Variants in NOVA1 observed in about 807,000 individuals in gnomAD.
NOVA1 encodes NOVA alternative splicing regulator 1.
Under a neutral mutation model 38.0 loss-of-function variants are expected in NOVA1, and 7 were observed. The observed-to-expected ratio is 0.18, with a 90% CI of 0.10 to 0.35. NOVA1 has a LOEUF of 0.35. NOVA1 is among the 10% of genes least tolerant of loss of function. The probability of loss-of-function intolerance (pLI) is 1.00; values close to 1 mark genes in which losing one functional copy is unlikely to be tolerated. For missense variants in NOVA1, 460 were observed against 616.0 expected (o/e 0.75, Z 2.68); for synonymous variants, 270 against 232.5 (o/e 1.16, Z -1.47).
chr14:26,572,124 A>C (rs569298483), intron 2 of NOVA1, among the ~76,000 whole-genome samples: 1 of 152,210 alleles, frequency 6.6e-6, no homozygotes, highest in African/African-American at 2.4e-5. Flanking sequence ...AATACACCAC[A>C]ATATTATTCT....
chr14:26,535,260 A>T (rs1026663104), intron 2 of NOVA1, among the ~76,000 whole-genome samples: 1 of 152,232 alleles, frequency 6.6e-6, no homozygotes, highest in Non-Finnish European at 1.5e-5. Context: ...CTCAGTTCTT[A>T]TAAGAAATCC....
intron 2 of NOVA1, among the ~76,000 whole-genome samples, chr14:26,572,311 A>T (rs934410019): frequency 2.0e-5 from 3 of 152,212 alleles, no homozygotes; most frequent in African/African-American, 7.2e-5. Flanking sequence ...ACAAGATCAA[A>T]ATTAACCAAT....
At position 26,578,495 on chromosome 14, in the gene NOVA1, A is replaced by G. The variant is rs74040212; in HGVS notation, c.280+16915T>C. Among the ~76,000 whole-genome samples the G allele has an allele frequency of 9.7e-3, 1,483 of 152,262 alleles. 18 individuals carry two copies. The highest frequency in any genetic ancestry group is 0.033 in the African/African-American group (1,351 of 41,548). ...AGTAGGTAAGATGGAATGGAATGGA[A>G]TATAGAAAAAAAGTAGAGGTAGGCC... On this transcript the variant is annotated intron_variant, in intron 2 of 4. Transcript: ENST00000539517.
In NOVA1 at chr14:26,595,399, A is replaced by G. The variant is rs1456614460; in HGVS notation, c.280+11T>C. 2 of 1,612,636 alleles carry G rather than the reference A, an allele frequency of 1.2e-6. No homozygotes were observed. Among genetic ancestry groups the G allele is most frequent in the Non-Finnish European group, 1.7e-6 (2 of 1,179,380 alleles). On this transcript the variant is annotated intron_variant, in intron 2 of 4. Transcript: ENST00000539517. ...GAGCTCATCAAACAATCTCTTCACC[A>G]TTGCACCTACCTGGGTAAAAATCTT...
Position 26,597,305 on chromosome 14 carries a change from C to G in NOVA1, c.132G>C (p.Thr44=). 1.6e-6 allele frequency: 2 copies of G among 1,247,760 alleles called. No homozygotes were observed. The highest frequency in any genetic ancestry group is 4.1e-5 in the South Asian group (1 of 24,462). The allele number at this position is 1,247,760 out of a possible 1,614,324, so 77.3% of individuals were successfully genotyped here. The part of the protein sequence containing the change: ...PEAGSTKRTN[T]GEDGQYFLKV... ...GGAGGTGGAAGCGATACCCACCGCC[C>G]GTATTGGTCCTCTTGGTGCTGCCGG... Residue 44 remains threonine, a synonymous_variant, in exon 1 of 5, where the codon ACG becomes ACC. Transcript: ENST00000539517.
intron 2 of NOVA1, among the ~76,000 whole-genome samples, chr14:26,527,247 G>A (rs527870714): frequency 7.1e-6 from 1 of 141,000 alleles, no homozygotes; most frequent in Admixed American, 7.1e-5. Flanking sequence ...CCTGGCAGTG[G>A]GACAATTTAG....
At chr14:26,508,110 T>C (rs1441095615) in intron 2 of NOVA1, among the ~76,000 whole-genome samples, 1 of 152,094 alleles carries the variant, frequency 6.6e-6, no homozygotes, top group African/African-American at 2.4e-5. Flanking sequence ...CTGTTGTTCA[T>C]ACTACTTTCA....
intron 2 of NOVA1, among the ~76,000 whole-genome samples, chr14:26,490,326 T>A (rs1886237934): frequency 6.6e-6 from 1 of 152,188 alleles, no homozygotes; most frequent in Admixed American, 6.5e-5. Context: ...ACTGGTAGCA[T>A]CTGCTTCAGT....
At chr14:26,574,108 C>A (rs1330838732) in intron 2 of NOVA1, among the ~76,000 whole-genome samples, 1 of 150,438 alleles carries the variant, frequency 6.6e-6, no homozygotes, top group Non-Finnish European at 1.5e-5. Flanking sequence ...TCACTGCAAC[C>A]TCTGCCAACT....
chr14:26,595,706 C>A, intron 1 of NOVA1, 153 bp from the exon 2 acceptor site: 1 of 586,322 alleles, frequency 1.7e-6, no homozygotes, highest in Non-Finnish European at 2.9e-6. Flanking sequence ...GAAAATAAGC[C>A]AATTACATTG....
At position 26,597,881 on chromosome 14, in the gene NOVA1, CAGG is replaced by C; in HGVS notation, c.-448_-446del. 6.5e-6 allele frequency: 1 copy of C among 153,460 alleles called. No homozygotes were observed. Among genetic ancestry groups the C allele is most frequent in the Non-Finnish European group, 1.4e-5 (1 of 70,956 alleles). 9.5% of individuals were successfully genotyped at this position (153,460 alleles called of 1,614,324 possible). ...GAGAGTGAGGGAAAGAGTGAATGAG[CAGG>C]AGGAGGGGAAGGAGGTGGATGCCGA... On this transcript the variant is annotated 5_prime_UTR_variant, in exon 1 of 5. Coordinates refer to ENST00000539517, the MANE Select transcript of NOVA1 (RefSeq NM_002515.3).
chr14:26,458,763 C>A (rs1883394101), intron 4 of NOVA1, among the ~76,000 whole-genome samples: 2 of 151,870 alleles, frequency 1.3e-5, no homozygotes, highest in South Asian at 4.1e-4. Flanking sequence ...CAACGACATG[C>A]AAATTACCCA....
At chr14:26,520,535 G>A (rs995706565) in intron 2 of NOVA1, among the ~76,000 whole-genome samples, 1 of 152,040 alleles carries the variant, frequency 6.6e-6, no homozygotes, top group African/African-American at 2.4e-5. Context: ...ATTAAGCCGT[G>A]GCACTAATAA....
chr14:26,527,783 C>T (rs542250421), intron 2 of NOVA1, among the ~76,000 whole-genome samples: 1 of 152,270 alleles, frequency 6.6e-6, no homozygotes, highest in Admixed American at 6.5e-5. Flanking sequence ...TCACACATGT[C>T]GATTTCTCAA....
chr14:26,590,380 T>G (rs1893771104), intron 2 of NOVA1, among the ~76,000 whole-genome samples: 1 of 151,972 alleles, frequency 6.6e-6, no homozygotes, highest in South Asian at 2.1e-4. Context: ...ATAAAAGTTG[T>G]GTTTTAAAAT....
intron 2 of NOVA1, among the ~76,000 whole-genome samples, chr14:26,552,284 G>C (rs972279556): frequency 6.6e-6 from 1 of 152,028 alleles, no homozygotes; most frequent in African/African-American, 2.4e-5. Context: ...ACGGAGAGAA[G>C]AAGAATAGGC....
chr14:26,521,484 TTTTG>T (rs1888891151), intron 2 of NOVA1, among the ~76,000 whole-genome samples: 1 of 152,080 alleles, frequency 6.6e-6, no homozygotes, highest in African/African-American at 2.4e-5. Context: ...GAGCATTAGG[TTTTG>T]TTTGTTTTTA....
rs1327823604 is a variant in NOVA1, at chr14:26,448,624, C to T, written c.859G>A (p.Gly287Arg). Reference sequence around the variant, plus strand: ...GCAAGGTTAGCATGTCCTAATAGCCCTGCAGCTGCTGCAGCAGTTGGTAAC... The same window carrying T: ...GCAAGGTTAGCATGTCCTAATAGCCTTGCAGCTGCTGCAGCAGTTGGTAAC... ...EVLPTAAAAA[G>R]LLGHANLAGV... Residue 287 changes from glycine to arginine, a missense_variant, in exon 5 of 5, where the codon GGG becomes AGG. Coordinates refer to ENST00000539517, the MANE Select transcript of NOVA1 (RefSeq NM_002515.3). The surrounding 1 kb of genome is among the most constrained non-coding windows in gnomAD (Gnocchi z 5.3). 6.2e-7 allele frequency: 1 copy of T among 1,614,236 alleles called. No homozygotes were observed. The highest frequency in any genetic ancestry group is 1.7e-5 in the Admixed American group (1 of 60,030).
At chr14:26,463,676 C>T (rs1037459926) in intron 4 of NOVA1, among the ~76,000 whole-genome samples, 7 of 152,086 alleles carry the variant, frequency 4.6e-5, no homozygotes, top group Non-Finnish European at 1.0e-4. Context: ...TGTTTATATA[C>T]TCAAATCTGG....
Sources: gnomAD v4.1 joint callset for allele counts (sites outside exome capture counted in the v4.1 genomes callset) on GRCh38, gnomAD v4.1.1 for gene constraint, Gnocchi (gnomAD v3.1) non-coding constraint, MANE v1.5 for transcripts, NCBI Gene and HGNC (gene_info 2026-07-23, HGNC 2026-07-21) for gene names.